Variants in DTNA observed in about 807,000 individuals in gnomAD.
DTNA encodes the protein dystrobrevin alpha, also known as dystrophin-related protein 3.
In DTNA, 43 loss-of-function variants were observed where a neutral mutation model predicts 100.7. The ratio of observed to expected loss-of-function variants is 0.43; its 90% CI spans 0.33 to 0.55. The LOEUF is 0.55. DTNA is among the 20% of genes least tolerant of loss of function. The pLI is 0.04. For missense variants in DTNA, 798 were observed against 953.9 expected (o/e 0.84, Z 2.15); for synonymous variants, 349 against 347.9 (o/e 1.00, Z -0.04).
At chr18:34,499,940 C>T (rs560119811) in intron 1 of DTNA, among the ~76,000 whole-genome samples, 2 of 152,248 alleles carry the variant, frequency 1.3e-5, no homozygotes, top group South Asian at 4.1e-4. Context: ...TCTTTGGAAA[C>T]ATATTACATA....
chr18:34,607,182 C>T (rs767378621), intron 1 of DTNA, among the ~76,000 whole-genome samples: 10 of 152,170 alleles, frequency 6.6e-5, no homozygotes, highest in Non-Finnish European at 1.0e-4. Flanking sequence ...TAGCTCTCAT[C>T]CCTTGAAATA....
At chr18:34,623,198 A>C (rs2147914286) in intron 1 of DTNA, among the ~76,000 whole-genome samples, 1 of 152,320 alleles carries the variant, frequency 6.6e-6, no homozygotes, top group South Asian at 2.1e-4. Flanking sequence ...CAAGGGCCAA[A>C]AAATGCAGGC....
intron 1 of DTNA, among the ~76,000 whole-genome samples, chr18:34,531,468 A>T (rs1320287820): frequency 6.6e-6 from 1 of 152,150 alleles, no homozygotes; most frequent in Non-Finnish European, 1.5e-5. Flanking sequence ...AAGTAAATGA[A>T]AGCAAAAGTA....
chr18:34,630,081 C>T (rs1032320435), intron 1 of DTNA, among the ~76,000 whole-genome samples: 2 of 152,146 alleles, frequency 1.3e-5, no homozygotes, highest in African/African-American at 4.8e-5. Flanking sequence ...TGGTGTCCAC[C>T]TTCACTTCTC....
intron 20 of DTNA, 127 bp downstream of exon 20, chr18:34,879,846 C>A: frequency 1.7e-6 from 2 of 1,210,678 alleles, no homozygotes; most frequent in Non-Finnish European, 2.4e-6. Context: ...GTTTTCTGTT[C>A]TGCCAGAGAT....
chr18:34,818,380 C>T (rs1442287423), intron 8 of DTNA, 50 bp downstream of exon 8: 1 of 1,599,906 alleles, frequency 6.3e-7, no homozygotes, highest in South Asian at 1.1e-5. Flanking sequence ...GAGTGTTGCC[C>T]AGAGTTAAAG....
chr18:34,544,870 A>T (rs986781518), intron 1 of DTNA, among the ~76,000 whole-genome samples: 1 of 151,924 alleles, frequency 6.6e-6, no homozygotes, highest in Non-Finnish European at 1.5e-5. Context: ...TGTGTCCATT[A>T]CCAAAAGGGG....
intron 15 of DTNA, among the ~76,000 whole-genome samples, chr18:34,856,793 G>A (rs1786608): frequency 0.19 from 29,203 of 152,208 alleles, 3,944 homozygotes; most frequent in African/African-American, 0.39. Context: ...GGTACAGACT[G>A]ACTACTCGAT....
At chr18:34,504,277 C>A (rs918925544) in intron 1 of DTNA, 1 of 152,022 alleles carries the variant, frequency 6.6e-6, no homozygotes, top group Non-Finnish European at 1.5e-5. Context: ...GTATAGAAAC[C>A]GTACCTCCCT....
chr18:34,665,874 AATAAAC>A (rs1350739698), intron 1 of DTNA, among the ~76,000 whole-genome samples: 6 of 152,324 alleles, frequency 3.9e-5, no homozygotes, highest in Admixed American at 1.3e-4. Flanking sequence ...GTAGTGCTGC[AATAAAC>A]ATACGTGTGC....
intron 22 of DTNA, among the ~76,000 whole-genome samples, chr18:34,887,179 A>C (rs1048037725): frequency 6.6e-6 from 1 of 152,208 alleles, no homozygotes; most frequent in Non-Finnish European, 1.5e-5. Flanking sequence ...TCAACATACA[A>C]TATTAAAAAA....
intron 1 of DTNA, among the ~76,000 whole-genome samples, chr18:34,602,633 A>G (rs1598911032): frequency 6.6e-6 from 1 of 151,844 alleles, no homozygotes; most frequent in South Asian, 2.1e-4. Context: ...ATCCCAGCAC[A>G]TGGGAGGATC....
intron 1 of DTNA, chr18:34,593,342 G>C (rs2049956312): frequency 6.6e-6 from 1 of 152,164 alleles, no homozygotes; most frequent in Non-Finnish European, 1.5e-5. Context: ...GATAGACACA[G>C]TACACACCAG....
chr18:34,775,546 G>T (rs1030114474), intron 3 of DTNA, among the ~76,000 whole-genome samples: 9 of 152,194 alleles, frequency 5.9e-5, no homozygotes, highest in African/African-American at 1.9e-4. Context: ...GGCAGCCGTA[G>T]AAGAGAAAAT....
chr18:34,739,087 C>G (rs570766953), intron 1 of DTNA, among the ~76,000 whole-genome samples: 35 of 152,020 alleles, frequency 2.3e-4, no homozygotes, highest in Non-Finnish European at 4.4e-4. Context: ...CTCTAGTAAT[C>G]CTGTTTCTAT....
intron 8 of DTNA, chr18:34,818,625 T>A: frequency 8.3e-7 from 1 of 1,202,296 alleles, no homozygotes; most frequent in Non-Finnish European, 1.0e-6. Context: ...AAGGACCTTC[T>A]GGAACATAAT....
At chr18:34,793,176 C>T (rs2094823281) in intron 3 of DTNA, among the ~76,000 whole-genome samples, 1 of 152,152 alleles carries the variant, frequency 6.6e-6, no homozygotes, top group Non-Finnish European at 1.5e-5. Flanking sequence ...TCAATAGTTG[C>T]CTGGAACAGG....
intron 1 of DTNA, among the ~76,000 whole-genome samples, chr18:34,644,739 A>G (rs998667162): frequency 3.3e-5 from 5 of 152,254 alleles, no homozygotes; most frequent in Middle Eastern, 3.4e-3. Flanking sequence ...CTTCAGCCTA[A>G]TATGGATATA....
intron 1 of DTNA, among the ~76,000 whole-genome samples, chr18:34,572,406 A>G (rs914341191): frequency 6.6e-5 from 10 of 152,304 alleles, no homozygotes; most frequent in African/African-American, 2.2e-4. Context: ...GTGCTAACCA[A>G]TTTTCCTAAG....
Sources: allele counts gnomAD v4.1 joint callset (sites outside exome capture counted in the v4.1 genomes callset), GRCh38; gene constraint gnomAD v4.1.1; transcripts MANE v1.5; gene names NCBI Gene and HGNC (gene_info 2026-07-23, HGNC 2026-07-21).